The following NIPAL3 variants were observed in gnomAD, a reference collection of about 807,000 sequenced individuals.
NIPAL3 encodes NIPA-like protein 3.
In NIPAL3, 41 loss-of-function variants were observed where a neutral mutation model predicts 47.2. The observed-to-expected ratio is 0.87, with a 90% confidence interval of 0.68 to 1.13. The LOEUF (loss-of-function observed/expected upper bound fraction) is 1.13. NIPAL3 is among the 50% of genes most tolerant of loss of function. NIPAL3 has a pLI of 0.00. For synonymous variants in NIPAL3, 194 were observed against 209.6 expected (o/e 0.93, Z 0.64); for missense variants, 449 against 530.1 (o/e 0.85, Z 1.50).
intron 2 of NIPAL3, among the ~76,000 whole-genome samples, chr1:24,423,528 G>T (rs1404017503): frequency 5.3e-5 from 8 of 152,272 alleles, no homozygotes; most frequent in Non-Finnish European, 1.5e-5. Context: ...TACTGGGGAG[G>T]CTGAGGCAGG....
At chr1:24,420,017 G>C in intron 2 of NIPAL3, 1 of 181,028 alleles carries the variant, frequency 5.5e-6, no homozygotes, top group Non-Finnish European at 1.2e-5. Context: ...AGGAGGTGGA[G>C]GTTGCAGTGA....
At chr1:24,452,458 C>T (rs872871) in intron 6 of NIPAL3, among the ~76,000 whole-genome samples, 17,362 of 152,106 alleles carry the variant, frequency 0.11, 1,023 homozygotes, top group African/African-American at 0.13. Context: ...CACTGCCTGG[C>T]GTACAAGGAG....
intron 1 of NIPAL3, among the ~76,000 whole-genome samples, chr1:24,418,849 G>A (rs2148737654): frequency 6.6e-6 from 1 of 151,708 alleles, no homozygotes; most frequent in East Asian, 1.9e-4. Context: ...TTCCATGGAT[G>A]TAGCTTTTCT....
intron 6 of NIPAL3, among the ~76,000 whole-genome samples, chr1:24,450,061 A>G (rs1009761304): frequency 6.6e-6 from 1 of 152,234 alleles, no homozygotes; most frequent in African/African-American, 2.4e-5. Context: ...ATTGTGTTGT[A>G]TTCACACAGT....
intron 5 of NIPAL3, among the ~76,000 whole-genome samples, chr1:24,448,405 T>G (rs1480477553): frequency 3.3e-5 from 5 of 152,172 alleles, no homozygotes; most frequent in Admixed American, 2.6e-4. Flanking sequence ...CTCTGACAGG[T>G]CTGTGGCGTA....
At chr1:24,456,529 T>C (rs1646223560) in intron 8 of NIPAL3, among the ~76,000 whole-genome samples, 1 of 152,034 alleles carries the variant, frequency 6.6e-6, no homozygotes, top group African/African-American at 2.4e-5. Flanking sequence ...GGTGGGTGGG[T>C]CACTTGAGGC....
intron 3 of NIPAL3, 69 bp downstream of exon 3, chr1:24,440,309 G>A (rs538324509): frequency 1.6e-6 from 2 of 1,270,282 alleles, no homozygotes; most frequent in Admixed American, 2.5e-5. Flanking sequence ...TCTTATCCAG[G>A]TCCAGCTGCC....
upstream of NIPAL3, chr1:24,415,794 GC>G (rs1271996204): frequency 5.1e-6 from 5 of 974,078 alleles, no homozygotes; most frequent in Non-Finnish European, 6.1e-6. Context: ...CAGCATCTTG[GC>G]AGCTCTGAAT....
At chr1:24,428,829 T>C (rs993584462) in intron 2 of NIPAL3, among the ~76,000 whole-genome samples, 1 of 152,122 alleles carries the variant, frequency 6.6e-6, no homozygotes, top group African/African-American at 2.4e-5. Flanking sequence ...GGTTCATCCT[T>C]GTGAGGTTTA....
chr1:24,431,916 C>T (rs1644897267), intron 2 of NIPAL3, among the ~76,000 whole-genome samples: 1 of 151,678 alleles, frequency 6.6e-6, no homozygotes, highest in Non-Finnish European at 1.5e-5. Context: ...TCCTTGACCA[C>T]CCCACAACAC....
chr1:24,413,821 G>A (rs1643881180), upstream of NIPAL3: 1 of 152,248 alleles, frequency 6.6e-6, no homozygotes, highest in Non-Finnish European at 1.5e-5. Context: ...GTGAAAAGTT[G>A]TTGACCAATC....
At chr1:24,413,741 A>T (rs1296835138), upstream of NIPAL3, 1 of 152,312 alleles carries the variant, frequency 6.6e-6, no homozygotes, top group Non-Finnish European at 1.5e-5. Context: ...CCACAGGCCT[A>T]ACATTCGCGA....
intron 2 of NIPAL3, among the ~76,000 whole-genome samples, chr1:24,420,409 G>A (rs1644274443): frequency 6.6e-6 from 1 of 152,124 alleles, no homozygotes; most frequent in Non-Finnish European, 1.5e-5. Context: ...GGCTGAGACG[G>A]GAGGATTGCT....
chr1:24,453,590 G>T, intron 7 of NIPAL3, 86 bp downstream of exon 7: 1 of 1,054,230 alleles, frequency 9.5e-7, no homozygotes, highest in Non-Finnish European at 1.4e-6. Context: ...AGCTGTAGCC[G>T]CTGGGCACAG....
intron 4 of NIPAL3, among the ~76,000 whole-genome samples, chr1:24,444,547 G>C (rs1192171355): frequency 6.6e-6 from 1 of 152,146 alleles, no homozygotes; most frequent in Non-Finnish European, 1.5e-5. Context: ...GTATTTCATA[G>C]ACTAGAGAAC....
chr1:24,433,418 A>G (rs1372678282), intron 2 of NIPAL3, among the ~76,000 whole-genome samples: 1 of 152,130 alleles, frequency 6.6e-6, no homozygotes, highest in Non-Finnish European at 1.5e-5. Context: ...GTGCCATGTG[A>G]AGGTTGGAAG....
chr1:24,450,931 T>C (rs180798199), intron 6 of NIPAL3, among the ~76,000 whole-genome samples: 171 of 152,282 alleles, frequency 1.1e-3, no homozygotes, highest in South Asian at 3.3e-3. Flanking sequence ...AGCCCCAGCA[T>C]GTAGTTGGTG....
chr1:24,439,581 T>C (rs926790707), intron 2 of NIPAL3, among the ~76,000 whole-genome samples: 4 of 152,150 alleles, frequency 2.6e-5, no homozygotes, highest in African/African-American at 9.7e-5. Flanking sequence ...GTCTAAGATA[T>C]TATTATTTTT....
In NIPAL3 at chr1:24,454,085, G is replaced by A. The variant is rs1461164270; in HGVS notation, c.637+581G>A. 5 of 773,612 alleles carry A rather than the reference G, an allele frequency of 6.5e-6. No individual in the cohort carries two copies. Among genetic ancestry groups the A allele is most frequent in the South Asian group, 1.4e-5 (1 of 69,418 alleles). The allele number at this position is 773,612 out of a possible 1,614,324, so 47.9% of individuals were successfully genotyped here. A position where few individuals can be genotyped will look rare whatever the true frequency, so the allele number is the denominator to read the frequency against. ...TCTGTCACCCAGGCTGGAGTGCAGTGGTACAATCTTAGCTCTCTGCAGCCT... is the reference window on the plus strand; with the variant it reads ...TCTGTCACCCAGGCTGGAGTGCAGTAGTACAATCTTAGCTCTCTGCAGCCT... On this transcript the variant is annotated intron_variant, in intron 7 of 11. Transcript: ENST00000374399. This position sits in a 1 kb window ranked among gnomAD's most constrained non-coding sequence, Gnocchi z 4.1.
Sources: allele counts gnomAD v4.1 joint callset (sites outside exome capture counted in the v4.1 genomes callset), GRCh38; gene constraint gnomAD v4.1.1; non-coding constraint Gnocchi (gnomAD v3.1); transcripts MANE v1.5; gene names NCBI Gene and HGNC (gene_info 2026-07-23, HGNC 2026-07-21).